The following PCDH10 variants were observed in gnomAD, a reference collection of about 807,000 sequenced individuals.
PCDH10 encodes the protein protocadherin-10.
PCDH10 carries 15 observed loss-of-function variants against 74.4 expected under a neutral mutation model. The observed-to-expected ratio is 0.20, with a 90% CI of 0.13 to 0.31. The LOEUF (loss-of-function observed/expected upper bound fraction) is 0.31. Among genes scored for constraint, PCDH10 ranks in the 10% least tolerant of loss-of-function variants. PCDH10 has a pLI of 1.00. For missense variants in PCDH10, 1,260 were observed against 1,390.2 expected (o/e 0.91, Z 1.49); for synonymous variants, 619 against 589.8 (o/e 1.05, Z -0.72).
At position 133,154,374 on chromosome 4, in the gene PCDH10, T is replaced by C. The variant is rs1578559592; in HGVS notation, c.2690+9T>C. ...CCTCGCCGAGTTAACAGGTATGGAC[T>C]CTTTTTTTCCCTAGCAGTAATGGAC... On this transcript the variant is annotated intron_variant, in intron 2 of 4. Coordinates refer to ENST00000264360, the MANE Select transcript of PCDH10 (RefSeq NM_032961.3). The C allele has an allele frequency of 1.9e-6, 3 of 1,570,184 alleles. No individual in the cohort carries two copies. The highest frequency in any genetic ancestry group is 2.3e-5 in the South Asian group (2 of 86,036).
In PCDH10 at chr4:133,162,968, T is replaced by C. The variant is rs1457895356; in HGVS notation, c.2798-9T>C. 1 of 1,598,994 alleles carries C rather than the reference T, an allele frequency of 6.3e-7. No individual in the cohort carries two copies. Among genetic ancestry groups the C allele is most frequent in the Non-Finnish European group, 8.6e-7 (1 of 1,169,208 alleles). On this transcript the variant is annotated splice_polypyrimidine_tract_variant and intron_variant, in intron 3 of 4. Coordinates refer to ENST00000264360, the MANE Select transcript of PCDH10 (RefSeq NM_032961.3). ...GACTACATCCGTAGTTTCTGTTTTC[T>C]GCTTACAGGTATGGATCTCTTCTCC...
intron 4 of PCDH10, among the ~76,000 whole-genome samples, chr4:133,179,071 C>T (rs1025464552): frequency 6.6e-5 from 10 of 152,120 alleles, no homozygotes; most frequent in African/African-American, 2.4e-4. Flanking sequence ...CACAAAGTAG[C>T]CAGGCAGTCT....
chr4:133,154,938 C>G lies in PCDH10; in HGVS notation c.2712C>G (p.Asp904Glu), dbSNP rs746647405. The change falls in exon 3 of 5, where the codon GAC (aspartate) becomes GAG (glutamate). Residue 904 changes from aspartate (D) to glutamate (E), a missense_variant. Physicochemically the swap from Asp to Glu is conservative, Grantham distance 45. Transcript: ENST00000264360. ...RVNSSAFQEA[D>E]IVSSKDSGHG... Reference sequence around the variant, plus strand: ...CTAGTTCTGCATTCCAGGAAGCCGACATAGTAAGCTCTAAGGACAGTGGTC... The same window carrying G: ...CTAGTTCTGCATTCCAGGAAGCCGAGATAGTAAGCTCTAAGGACAGTGGTC... 2 of 1,612,058 alleles carry G rather than the reference C, an allele frequency of 1.2e-6. No individual in the cohort carries two copies. The highest frequency in any genetic ancestry group is 2.2e-5 in the South Asian group (2 of 91,038).
chr4:133,158,983 A>AT (rs1287440209), intron 3 of PCDH10, among the ~76,000 whole-genome samples: 1 of 152,116 alleles, frequency 6.6e-6, no homozygotes, highest in East Asian at 1.9e-4. Flanking sequence ...AGTTATGTTA[A>AT]TAACTATCTG....
chr4:133,163,373 GT>G (rs1033112158), intron 4 of PCDH10, 91 bp downstream of exon 4: 1 of 1,188,012 alleles, frequency 8.4e-7, no homozygotes, highest in Non-Finnish European at 1.2e-6. Flanking sequence ...TGGAGTTCAG[GT>G]TTTTTTAAGA....
At position 133,156,709 on chromosome 4, in the gene PCDH10, C is replaced by T. The variant is rs1159712550; in HGVS notation, c.2797+1686C>T. Among the ~76,000 whole-genome samples, 8 of 152,322 alleles carry T rather than the reference C, an allele frequency of 5.3e-5. No individual in the cohort carries two copies. The East Asian group carries it at 1.5e-3, about 29-fold the overall frequency. On this transcript the variant is annotated intron_variant, in intron 3 of 4. Transcript: ENST00000264360. ...TGCATTTTACTCCTTTCCCACCCCA[C>T]ACGCCCCGCTTTGTTTTTCCTGTAG...
chr4:133,159,326 C>T (rs1174007099), intron 3 of PCDH10, among the ~76,000 whole-genome samples: 12 of 151,996 alleles, frequency 7.9e-5, no homozygotes, highest in Non-Finnish European at 1.8e-4. Flanking sequence ...AAACCATGTA[C>T]TTTAAAATTT....
downstream of PCDH10, among the ~76,000 whole-genome samples, chr4:133,197,735 C>G (rs1395153307): frequency 6.6e-6 from 1 of 152,106 alleles, no homozygotes; most frequent in Non-Finnish European, 1.5e-5. Flanking sequence ...TTGCAATCAC[C>G]TAATCTGAAA....
chr4:133,151,381 C>G lies in PCDH10; in HGVS notation c.1241C>G (p.Thr414Ser), dbSNP rs1461887662. 5 of 1,614,044 alleles carry G rather than the reference C, an allele frequency of 3.1e-6. No individual in the cohort carries two copies. The highest frequency in any genetic ancestry group is 4.2e-6 in the Non-Finnish European group (5 of 1,180,036). The change falls in exon 1 of 5, where the codon ACC becomes AGC. Residue 414 changes from threonine (T) to serine (S), a missense_variant. Thr to Ser is a moderately conservative substitution (Grantham distance 58, BLOSUM62 1). This residue lies in a region of PCDH10 where 112 missense variants were observed against 123.6 expected (regional missense o/e 0.91). Transcript: ENST00000264360. ...RLKSSFKNYY[T>S]IVTEAPLDRE... Reference sequence around the variant, plus strand: ...AAGTCTTCCTTTAAGAATTACTACACCATCGTTACCGAAGCCCCCCTGGAC... The same window carrying G: ...AAGTCTTCCTTTAAGAATTACTACAGCATCGTTACCGAAGCCCCCCTGGAC...
At chr4:133,168,823 C>T (rs1424993593) in intron 4 of PCDH10, among the ~76,000 whole-genome samples, 2 of 151,628 alleles carry the variant, frequency 1.3e-5, no homozygotes, top group Non-Finnish European at 3.0e-5. Flanking sequence ...CATTTATGCA[C>T]ACACTCAGTT....
At chr4:133,199,492 G>T (rs1003844326), downstream of PCDH10, among the ~76,000 whole-genome samples, 1 of 150,420 alleles carries the variant, frequency 6.6e-6, no homozygotes, top group Non-Finnish European at 1.5e-5. Context: ...AGGCATTTCG[G>T]GGGGACAAAT....
At chr4:133,188,685 T>G (rs1336502089) in intron 4 of PCDH10, among the ~76,000 whole-genome samples, 2 of 144,160 alleles carry the variant, frequency 1.4e-5, no homozygotes, top group African/African-American at 5.2e-5. Context: ...TTTTTTTTTT[T>G]TTTTTGAGAT....
At chr4:133,189,388 A>G (rs530535901) in intron 4 of PCDH10, among the ~76,000 whole-genome samples, 3 of 152,128 alleles carry the variant, frequency 2.0e-5, no homozygotes, top group Non-Finnish European at 4.4e-5. Flanking sequence ...AAGAAATATT[A>G]TTTATCATTA....
chr4:133,152,628 G>A lies in PCDH10; in HGVS notation c.2488G>A (p.Ala830Thr). 6.2e-7 allele frequency: 1 copy of A among 1,614,176 alleles called. No individual in the cohort carries two copies. The highest frequency in any genetic ancestry group is 1.1e-5 in the South Asian group (1 of 91,080). Residue 830 changes from alanine (A) to threonine (T), a missense_variant, in exon 1 of 5, where the codon GCC (alanine) becomes ACC (threonine). Ala to Thr is a moderately conservative substitution (Grantham distance 58). Around this residue, in one of 11 missense-constraint regions of PCDH10, gnomAD observed 587 missense variants for 616.9 expected, o/e 0.95. Coordinates refer to ENST00000264360, the MANE Select transcript of PCDH10 (RefSeq NM_032961.3). ...CYQVCLTPES[A>T]KTDLMFLKPC... ...TCAGGTATGCCTGACCCCTGAGTCC[G>A]CCAAGACCGACCTGATGTTTCTTAA...
downstream of PCDH10, among the ~76,000 whole-genome samples, chr4:133,196,048 T>C (rs1328774584): frequency 6.6e-6 from 1 of 152,154 alleles, no homozygotes; most frequent in African/African-American, 2.4e-5. Flanking sequence ...AGTTGTAGAA[T>C]TGCTGTGAGG....
At chr4:133,157,085 T>C (rs944765418) in intron 3 of PCDH10, among the ~76,000 whole-genome samples, 6 of 152,206 alleles carry the variant, frequency 3.9e-5, no homozygotes, top group Non-Finnish European at 7.3e-5. Context: ...CATGTAAAAG[T>C]GTTACAGAAT....
chr4:133,174,515 A>G (rs1293148214), intron 4 of PCDH10, among the ~76,000 whole-genome samples: 2 of 151,848 alleles, frequency 1.3e-5, no homozygotes, highest in African/African-American at 4.8e-5. Flanking sequence ...AAGACAAAAT[A>G]AAGACATCAC....
chr4:133,205,137 C>A (rs1727976548), intron 2 of PCDH10, among the ~76,000 whole-genome samples: 1 of 152,138 alleles, frequency 6.6e-6, no homozygotes, highest in African/African-American at 2.4e-5. Flanking sequence ...TCTTCTGGAG[C>A]AGAGTGGGAA....
intron 4 of PCDH10, among the ~76,000 whole-genome samples, chr4:133,175,078 G>A (rs956527638): frequency 6.6e-6 from 1 of 151,688 alleles, no homozygotes; most frequent in Non-Finnish European, 1.5e-5. Context: ...ATCCAATATA[G>A]AGAAAGATTA....
Sources: gnomAD v4.1 joint callset for allele counts (sites outside exome capture counted in the v4.1 genomes callset) on GRCh38, gnomAD v4.1.1 for gene constraint, gnomAD v4.1.1 regional missense constraint, MANE v1.5 for transcripts, NCBI Gene and HGNC (gene_info 2026-07-23, HGNC 2026-07-21) for gene names.